The following PCDH10 variants were observed in gnomAD, a reference collection of about 807,000 sequenced individuals.
The protein encoded by PCDH10 is protocadherin 10.
PCDH10 carries 15 observed loss-of-function variants against 74.4 expected under a neutral mutation model. The observed-to-expected ratio is 0.20, with a 90% CI of 0.13 to 0.31. The LOEUF is 0.31. Among genes scored for constraint, PCDH10 ranks in the 10% least tolerant of loss-of-function variants. The pLI is 1.00. For synonymous variants in PCDH10, 619 were observed against 589.8 expected, an observed-to-expected ratio of 1.05 and a Z score of -0.72; for missense variants, 1,260 against 1,390.2, an observed-to-expected ratio of 0.91 and a Z score of 1.49.
intron 4 of PCDH10, among the ~76,000 whole-genome samples, chr4:133,176,518 G>T (rs1727299969): frequency 6.6e-6 from 1 of 151,908 alleles, no homozygotes; most frequent in Non-Finnish European, 1.5e-5. Context: ...TACAATTCTG[G>T]GCTTAAATAG....
intron 2 of PCDH10, among the ~76,000 whole-genome samples, chr4:133,206,799 A>T (rs13129125): frequency 0.16 from 23,863 of 152,064 alleles, 2,157 homozygotes; most frequent in East Asian, 0.26. Flanking sequence ...GGACATAAAA[A>T]GAAAAGTCTT....
intron 4 of PCDH10, among the ~76,000 whole-genome samples, chr4:133,181,657 T>TC (rs553592600): frequency 2.0e-4 from 31 of 151,996 alleles, no homozygotes; most frequent in Non-Finnish European, 4.1e-4. Context: ...GGTTGTTTTT[T>TC]CTGCATCTCT....
intron 4 of PCDH10, among the ~76,000 whole-genome samples, chr4:133,178,565 G>A (rs1180881577): frequency 2.6e-5 from 4 of 151,740 alleles, no homozygotes; most frequent in African/African-American, 9.7e-5. Context: ...GTTTTTGGAA[G>A]CAGAAAACAG....
chr4:133,175,254 T>G (rs1040120179), intron 4 of PCDH10, among the ~76,000 whole-genome samples: 3 of 152,090 alleles, frequency 2.0e-5, no homozygotes, highest in African/African-American at 7.2e-5. Flanking sequence ...CCTATTATTT[T>G]TAGTAGTATT....
chr4:133,201,856 C>CAAAAAA (rs11400760), intron 2 of PCDH10, among the ~76,000 whole-genome samples: 2 of 72,362 alleles, frequency 2.8e-5, no homozygotes, highest in Non-Finnish European at 5.1e-5. Flanking sequence ...AACTCCATCT[C>CAAAAAA]AAAAAAAAAA....
chr4:133,191,945 A>T lies in PCDH10; in HGVS notation c.*1785A>T, dbSNP rs912678325. 7.9e-6 allele frequency: 1 copy of T among 126,772 alleles called. No homozygotes were observed. Among genetic ancestry groups the T allele is most frequent in the African/African-American group, 2.8e-5 (1 of 35,480 alleles). 7.9% of individuals were successfully genotyped at this position (126,772 alleles called of 1,614,324 possible). On this transcript the variant is annotated 3_prime_UTR_variant, in exon 5 of 5. Coordinates refer to ENST00000264360, the MANE Select transcript of PCDH10 (RefSeq NM_032961.3). ...AAGTGGAAATTTTTCCCTAGATTTA[A>T]CTTTAAAATACATATATATACACAC...
At chr4:133,173,099 G>C (rs546337040) in intron 4 of PCDH10, among the ~76,000 whole-genome samples, 62 of 151,980 alleles carry the variant, frequency 4.1e-4, no homozygotes, top group African/African-American at 1.4e-3. Flanking sequence ...AAAAATTGAG[G>C]TGTTTGTATT....
At chr4:133,160,115 C>T (rs1229156153) in intron 3 of PCDH10, among the ~76,000 whole-genome samples, 5 of 151,800 alleles carry the variant, frequency 3.3e-5, no homozygotes, top group African/African-American at 4.8e-5. Context: ...TTTTCTGTTA[C>T]TTATCTGAAG....
intron 4 of PCDH10, among the ~76,000 whole-genome samples, chr4:133,188,883 C>T (rs1298809553): frequency 6.6e-6 from 1 of 151,770 alleles, no homozygotes; most frequent in East Asian, 1.9e-4. Context: ...CCATGTTGGC[C>T]AGGCTGGTTT....
At chr4:133,154,168 A>G in intron 1 of PCDH10, 139 bp from the exon 2 acceptor site, 1 of 631,350 alleles carries the variant, frequency 1.6e-6, no homozygotes, top group Non-Finnish European at 2.8e-6. Flanking sequence ...AATCACTAGG[A>G]TGAGGTTTTA....
In PCDH10 at chr4:133,154,358, G is replaced by C; in HGVS notation, c.2683G>C (p.Val895Leu). ...LSYLVDRPRR[V>L]NSSAFQEADI... ...CTATCTAGTTGACAGACCTCGCCGA[G>C]TTAACAGGTATGGACTCTTTTTTTC... Residue 895 changes from valine to leucine, a missense_variant, in exon 2 of 5, where the codon GTT (valine) becomes CTT (leucine). By Grantham distance (32) the Val-to-Leu change is conservative. Transcript: ENST00000264360. The C allele has an allele frequency of 6.2e-7, 1 of 1,602,966 alleles. No individual in the cohort carries two copies. Among genetic ancestry groups the C allele is most frequent in the Non-Finnish European group, 8.5e-7 (1 of 1,173,618 alleles).
chr4:133,151,390 C>T lies in PCDH10; in HGVS notation c.1250C>T (p.Thr417Ile). Residue 417 changes from threonine to isoleucine, a missense_variant, in exon 1 of 5, where the codon ACC becomes ATC. This residue lies in a region of PCDH10 where 112 missense variants were observed against 123.6 expected (regional missense o/e 0.91). Transcript: ENST00000264360. Reference sequence around the variant, plus strand: ...TTTAAGAATTACTACACCATCGTTACCGAAGCCCCCCTGGACCGAGAGGCG... The same window carrying T: ...TTTAAGAATTACTACACCATCGTTATCGAAGCCCCCCTGGACCGAGAGGCG... ...SSFKNYYTIV[T>I]EAPLDREAGD... The T allele has an allele frequency of 6.2e-7, 1 of 1,614,168 alleles. No homozygotes were observed. Among genetic ancestry groups the T allele is most frequent in the Non-Finnish European group, 8.5e-7 (1 of 1,180,040 alleles).
chr4:133,165,065 C>CATATAT (rs768229684), intron 4 of PCDH10, among the ~76,000 whole-genome samples: 3 of 146,842 alleles, frequency 2.0e-5, no homozygotes, highest in African/African-American at 7.5e-5. Context: ...TATATATACA[C>CATATAT]ATATATATAT....
intron 2 of PCDH10, among the ~76,000 whole-genome samples, chr4:133,202,894 TCTTCTAG>T (rs1172268897): frequency 6.6e-6 from 1 of 152,186 alleles, no homozygotes; most frequent in African/African-American, 2.4e-5. Context: ...TGAGTTGATC[TCTTCTAG>T]CACTGAGGCA....
chr4:133,205,785 T>C (rs1421417654), intron 2 of PCDH10, among the ~76,000 whole-genome samples: 1 of 152,104 alleles, frequency 6.6e-6, no homozygotes, highest in Non-Finnish European at 1.5e-5. Flanking sequence ...CTATTATTAT[T>C]GTTTCTTGAA....
At chr4:133,166,870 A>G (rs1194242761) in intron 4 of PCDH10, among the ~76,000 whole-genome samples, 1 of 151,526 alleles carries the variant, frequency 6.6e-6, no homozygotes, top group African/African-American at 2.4e-5. Flanking sequence ...ACTTGTGAAA[A>G]TATTTCTTTG....
chr4:133,198,972 C>T (rs1441270189), downstream of PCDH10, among the ~76,000 whole-genome samples: 1 of 151,880 alleles, frequency 6.6e-6, no homozygotes, highest in Non-Finnish European at 1.5e-5. Flanking sequence ...TAAGAGTTGC[C>T]TAATTTAGAT....
chr4:133,161,924 T>G (rs1726978472), intron 3 of PCDH10, among the ~76,000 whole-genome samples: 1 of 152,064 alleles, frequency 6.6e-6, no homozygotes, highest in South Asian at 2.1e-4. Context: ...AAAATGCTAT[T>G]TTTGTTTATG....
intron 4 of PCDH10, among the ~76,000 whole-genome samples, chr4:133,189,867 T>C (rs1727622238): frequency 6.6e-6 from 1 of 152,028 alleles, no homozygotes; most frequent in African/African-American, 2.4e-5. Flanking sequence ...TAGATAACTT[T>C]AAAAAGTTAA....
Sources: gnomAD v4.1 joint callset for allele counts (sites outside exome capture counted in the v4.1 genomes callset) on GRCh38, gnomAD v4.1.1 for gene constraint, gnomAD v4.1.1 regional missense constraint, MANE v1.5 for transcripts, NCBI Gene and HGNC (gene_info 2026-07-23, HGNC 2026-07-21) for gene names.